TBC1D5: variants seen among roughly 807,000 people sequenced by gnomAD.
The protein encoded by TBC1D5 is TBC1 domain family member 5.
A neutral mutation model predicts 100.3 loss-of-function variants in TBC1D5; 75 were observed. The observed-to-expected ratio is 0.75, with a 90% CI of 0.62 to 0.91. TBC1D5 has a LOEUF of 0.91. Among genes scored for constraint, TBC1D5 ranks in the 40% least tolerant of loss-of-function variants. TBC1D5 has a pLI of 0.00. For synonymous variants in TBC1D5, 323 were observed against 325.6 expected (o/e 0.99, Z 0.09); for missense variants, 910 against 942.4 (o/e 0.97, Z 0.45).
chr3:17,617,519 G>C (rs1256296052), intron 2 of TBC1D5, among the ~76,000 whole-genome samples: 1 of 152,288 alleles, frequency 6.6e-6, no homozygotes, highest in Non-Finnish European at 1.5e-5. Context: ...CTCCATGTCA[G>C]CTTCAGGTAC....
chr3:17,606,088 T>G (rs529411016), intron 2 of TBC1D5, among the ~76,000 whole-genome samples: 2 of 151,830 alleles, frequency 1.3e-5, no homozygotes, highest in African/African-American at 2.4e-5. Context: ...CTTCTCCTGA[T>G]AAAGTCAATC....
chr3:17,571,571 C>A (rs1165261021), intron 2 of TBC1D5, among the ~76,000 whole-genome samples: 1 of 151,936 alleles, frequency 6.6e-6, no homozygotes, highest in Non-Finnish European at 1.5e-5. Context: ...CAATCTTAGA[C>A]TCTATGAGCT....
chr3:17,164,924 G>C (rs2066440744), intron 21 of TBC1D5, among the ~76,000 whole-genome samples: 1 of 152,224 alleles, frequency 6.6e-6, no homozygotes, highest in South Asian at 2.1e-4. Flanking sequence ...CTCTTTTCAG[G>C]AGTACTAGCT....
Position 17,217,230 on chromosome 3 carries a change from T to A in TBC1D5, c.1589-2860A>T, listed in dbSNP as rs116711944. ...CACTTCATTCCTTTTAGTTGCCAAA[T>A]AATATTCCATTGTATGGGTACCACA... On this transcript the variant is annotated intron_variant, in intron 17 of 21. Coordinates refer to ENST00000253692, the Ensembl canonical transcript of TBC1D5. Among the ~76,000 whole-genome samples the A allele has an allele frequency of 3.3e-3, 504 of 152,302 alleles. 5 individuals carry two copies. Among genetic ancestry groups the A allele is most frequent in the African/African-American group, 0.011 (478 of 41,586 alleles).
At chr3:17,304,014 A>T (rs1384354004) in intron 14 of TBC1D5, among the ~76,000 whole-genome samples, 1 of 151,820 alleles carries the variant, frequency 6.6e-6, no homozygotes, top group Admixed American at 6.6e-5. Context: ...ACAGTGGATA[A>T]CCTTGTTTCC....
intron 18 of TBC1D5, among the ~76,000 whole-genome samples, chr3:17,193,442 G>A (rs17043177): frequency 0.014 from 2,111 of 152,246 alleles, 42 homozygotes; most frequent in African/African-American, 0.048. Flanking sequence ...TTGAAGTCAG[G>A]TGTTGGCAGG....
chr3:17,376,414 A>C (rs1432355301), intron 10 of TBC1D5, 111 bp downstream of exon 10: 3 of 923,874 alleles, frequency 3.2e-6, no homozygotes, highest in Non-Finnish European at 3.3e-6. Flanking sequence ...AATGTTTACA[A>C]CTTGTACAGC....
intron 16 of TBC1D5, among the ~76,000 whole-genome samples, chr3:17,253,125 A>C (rs1303227624): frequency 6.6e-6 from 1 of 152,232 alleles, no homozygotes; most frequent in African/African-American, 2.4e-5. Flanking sequence ...TCCATTTTAT[A>C]TGGTAAGATT....
At chr3:17,292,000 C>A (rs760941579) in exon 15 of TBC1D5, 1 of 1,611,320 alleles carries the variant, frequency 6.2e-7, no homozygotes, top group South Asian at 1.1e-5. Flanking sequence ...TACTAGAGAT[C>A]ACTAAATAAG....
At chr3:17,529,651 TTTTA>T in intron 2 of TBC1D5, among the ~76,000 whole-genome samples, 2 of 151,318 alleles carry the variant, frequency 1.3e-5, no homozygotes, top group African/African-American at 4.9e-5. Context: ...TTATTATTAT[TTTTA>T]TTTTTTTTTG....
intron 1 of TBC1D5, among the ~76,000 whole-genome samples, chr3:17,630,260 G>A (rs998404120): frequency 6.6e-6 from 1 of 152,202 alleles, no homozygotes; most frequent in Non-Finnish European, 1.5e-5. Context: ...GTGCTTTGCA[G>A]ATGCTGCATT....
intron 20 of TBC1D5, among the ~76,000 whole-genome samples, chr3:17,167,231 A>AC (rs1235524740): frequency 6.6e-6 from 1 of 151,902 alleles, no homozygotes; most frequent in Admixed American, 6.6e-5. Flanking sequence ...CTGTACACCC[A>AC]CCCCCACTGC....
chr3:17,482,120 T>C (rs948400395), intron 3 of TBC1D5, among the ~76,000 whole-genome samples: 1 of 152,210 alleles, frequency 6.6e-6, no homozygotes, highest in Admixed American at 6.5e-5. Context: ...TGTCTGAGCA[T>C]TGAAAGGTGT....
At chr3:17,616,753 C>A (rs1005734577) in intron 2 of TBC1D5, among the ~76,000 whole-genome samples, 1 of 152,082 alleles carries the variant, frequency 6.6e-6, no homozygotes, top group Non-Finnish European at 1.5e-5. Flanking sequence ...AGGTCTGCCT[C>A]CATCCCTTTA....
intron 15 of TBC1D5, among the ~76,000 whole-genome samples, chr3:17,274,876 G>C (rs559083654): frequency 6.6e-6 from 1 of 152,220 alleles, no homozygotes; most frequent in Admixed American, 6.5e-5. Flanking sequence ...ACAGACTTTG[G>C]GCTGACGATT....
At chr3:17,521,976 A>AC (rs2096068482) in intron 2 of TBC1D5, among the ~76,000 whole-genome samples, 1 of 152,174 alleles carries the variant, frequency 6.6e-6, no homozygotes, top group Non-Finnish European at 1.5e-5. Flanking sequence ...TAACTTGGAT[A>AC]CATGAGCCAA....
At chr3:17,553,627 T>C (rs918300912) in intron 2 of TBC1D5, among the ~76,000 whole-genome samples, 5 of 152,236 alleles carry the variant, frequency 3.3e-5, no homozygotes, top group African/African-American at 9.6e-5. Flanking sequence ...TGAATTGATA[T>C]AAAGCTATTT....
intron 2 of TBC1D5, among the ~76,000 whole-genome samples, chr3:17,620,051 G>C (rs971468515): frequency 6.6e-6 from 1 of 152,152 alleles, no homozygotes. Context: ...CTCATACACT[G>C]CAGCAGGGAA....
chr3:17,486,076 A>T (rs2150416752), intron 3 of TBC1D5, among the ~76,000 whole-genome samples: 1 of 151,866 alleles, frequency 6.6e-6, no homozygotes. Flanking sequence ...TTTGATTTGC[A>T]TTTCTCTGAT....
Sources: gnomAD v4.1 joint callset for allele counts (sites outside exome capture counted in the v4.1 genomes callset) on GRCh38, gnomAD v4.1.1 for gene constraint, MANE v1.5 for transcripts, NCBI Gene and HGNC (gene_info 2026-07-23, HGNC 2026-07-21) for gene names.